The following TFCP2 variants were observed in gnomAD, a reference collection of about 807,000 sequenced individuals.
TFCP2 encodes transcription factor CP2.
In TFCP2, 33 loss-of-function variants were observed where a neutral mutation model predicts 73.4. The observed-to-expected ratio is 0.45, with a 90% CI of 0.34 to 0.60. The LOEUF is 0.60. Ranked by LOEUF, TFCP2 falls within the 20% of genes least tolerant of loss-of-function variation. TFCP2 has a pLI of 0.01. For missense variants in TFCP2, 352 were observed against 604.0 expected (o/e 0.58, Z 4.37); for synonymous variants, 193 against 211.6 (o/e 0.91, Z 0.76).
intron 13 of TFCP2, among the ~76,000 whole-genome samples, chr12:51,096,835 G>C (rs1442240100): frequency 6.6e-6 from 1 of 152,096 alleles, no homozygotes; most frequent in Non-Finnish European, 1.5e-5. Context: ...CTGAAATCCT[G>C]TGTCATTCTA....
chr12:51,105,243 G>A (rs984654613), intron 8 of TFCP2, among the ~76,000 whole-genome samples: 4 of 151,834 alleles, frequency 2.6e-5, no homozygotes, highest in South Asian at 2.1e-4. Flanking sequence ...ACAGGCGCCC[G>A]CCGCCACACC....
chr12:51,144,340 A>C (rs948679962), intron 1 of TFCP2, among the ~76,000 whole-genome samples: 2 of 152,142 alleles, frequency 1.3e-5, no homozygotes, highest in Admixed American at 6.6e-5. Context: ...AGCCATTCTA[A>C]AATTTCTATC....
In TFCP2 at chr12:51,131,492, G is replaced by GA. The variant is rs1036292639; in HGVS notation, c.123-12721dup. On this transcript the variant is annotated intron_variant, in intron 1 of 14. Coordinates refer to ENST00000257915, the MANE Select transcript of TFCP2 (RefSeq NM_005653.5). ...ATTCCTAAAAATGGTATTCTTGGTT[G>GA]AAGTTAAGATATAAAAGGTTTTCAG... Among the ~76,000 whole-genome samples, 53 of 152,192 alleles carry GA rather than the reference G, an allele frequency of 3.5e-4. 1 individual carries two copies. Among genetic ancestry groups the GA allele is most frequent in the Admixed American group, 2.7e-3 (42 of 15,282 alleles).
intron 10 of TFCP2, 86 bp from the exon 11 acceptor site, chr12:51,102,111 C>T (rs1940123873): frequency 3.3e-6 from 3 of 905,710 alleles, no homozygotes; most frequent in Admixed American, 4.0e-5. Flanking sequence ...ATAAGGACAC[C>T]TCATTACCAG....
At chr12:51,170,519 G>A (rs1442030182) in intron 1 of TFCP2, among the ~76,000 whole-genome samples, 1 of 151,628 alleles carries the variant, frequency 6.6e-6, no homozygotes, top group Non-Finnish European at 1.5e-5. Context: ...TTTATTTGTT[G>A]ATTTATTTGT....
chr12:51,150,483 T>C (rs924383640), intron 1 of TFCP2, among the ~76,000 whole-genome samples: 2 of 152,050 alleles, frequency 1.3e-5, no homozygotes, highest in African/African-American at 4.8e-5. Context: ...AATTTTAAAA[T>C]TTAAAAAGTA....
intron 1 of TFCP2, among the ~76,000 whole-genome samples, chr12:51,126,109 T>C (rs1353425074): frequency 2.0e-5 from 3 of 151,376 alleles, no homozygotes; most frequent in Non-Finnish European, 4.4e-5. Flanking sequence ...GTTGGGCGCC[T>C]GTAGTCCCAG....
intron 1 of TFCP2, among the ~76,000 whole-genome samples, chr12:51,138,612 C>A (rs1941116926): frequency 1.3e-5 from 2 of 152,058 alleles, no homozygotes; most frequent in Non-Finnish European, 2.9e-5. Flanking sequence ...TCTCCTCCTT[C>A]AGACCACATT....
intron 1 of TFCP2, among the ~76,000 whole-genome samples, chr12:51,151,067 A>C (rs151045079): frequency 1.3e-5 from 2 of 152,348 alleles, no homozygotes; most frequent in African/African-American, 4.8e-5. Context: ...TCTGATAAAA[A>C]GACATGTGAG....
chr12:51,120,237 A>C (rs1159112456), intron 1 of TFCP2, among the ~76,000 whole-genome samples: 1 of 151,952 alleles, frequency 6.6e-6, no homozygotes, highest in Non-Finnish European at 1.5e-5. Context: ...AAAACTGGAA[A>C]GAACCTAAAT....
chr12:51,107,463 G>A, intron 6 of TFCP2, 117 bp from the exon 7 acceptor site: 1 of 752,786 alleles, frequency 1.3e-6, no homozygotes, highest in African/African-American at 1.8e-5. Flanking sequence ...GTGATGTAAA[G>A]GCAAGACACA....
chr12:51,158,026 G>A (rs779952906), intron 1 of TFCP2, among the ~76,000 whole-genome samples: 4 of 151,500 alleles, frequency 2.6e-5, no homozygotes, highest in Non-Finnish European at 5.9e-5. Flanking sequence ...TTTAGAAACA[G>A]AGTCTTGTTC....
chr12:51,109,843 C>T (rs1940352348), intron 5 of TFCP2, among the ~76,000 whole-genome samples: 1 of 151,946 alleles, frequency 6.6e-6, no homozygotes, highest in Admixed American at 6.6e-5. Context: ...CTCAGCCTCC[C>T]AAATAGCTGG....
chr12:51,115,769 T>G (rs990509907), intron 4 of TFCP2, among the ~76,000 whole-genome samples: 1 of 152,208 alleles, frequency 6.6e-6, no homozygotes, highest in Admixed American at 6.5e-5. Context: ...TTGAAAACAT[T>G]ATGCTAAGTG....
chr12:51,171,243 T>A (rs918390252), intron 1 of TFCP2, among the ~76,000 whole-genome samples: 2 of 152,210 alleles, frequency 1.3e-5, no homozygotes, highest in Admixed American at 1.3e-4. Flanking sequence ...ACCCCTAAGA[T>A]GCAGCTGTTT....
rs752870730 is a variant in TFCP2 at position 51,095,290 on chromosome 12, A to AAG, written c.1472-14_1472-13dup. The AAG allele has an allele frequency of 5.0e-6, 8 of 1,613,226 alleles. No homozygotes were observed. The East Asian group carries it at 6.7e-5, about 13-fold the overall frequency. ...ATCATTGGTTTCTGCTGTTAAAAAA[A>AAG]AGAGAGAGAGAGAATCATCTTTAGT... On this transcript the variant is annotated splice_polypyrimidine_tract_variant and intron_variant, in intron 14 of 14. Transcript: ENST00000257915.
intron 1 of TFCP2, among the ~76,000 whole-genome samples, chr12:51,147,662 A>G (rs567459060): frequency 6.4e-4 from 97 of 152,326 alleles, no homozygotes; most frequent in African/African-American, 2.3e-3. Context: ...GCAAAGACTT[A>G]AATCTAAGAC....
rs1483742365 is a variant in TFCP2, at chr12:51,093,675, G to C, written c.*1566C>G. ...GAAGCATTTTGGTGTAATATAACAA[G>C]TTGCTCAGGTCAGTTTTAAACAAGT... On this transcript the variant is annotated 3_prime_UTR_variant, in exon 15 of 15. Coordinates refer to ENST00000257915, the MANE Select transcript of TFCP2 (RefSeq NM_005653.5). 6.6e-6 allele frequency: 1 copy of C among 152,058 alleles called. No individual in the cohort carries two copies. Among genetic ancestry groups the C allele is most frequent in the Non-Finnish European group, 1.5e-5 (1 of 68,016 alleles). 9.4% of individuals were successfully genotyped at this position (152,058 alleles called of 1,614,324 possible). A position where few individuals can be genotyped will look rare whatever the true frequency, so the allele number is the denominator to read the frequency against.
At chr12:51,124,072 C>A (rs1438622840) in intron 1 of TFCP2, among the ~76,000 whole-genome samples, 1 of 150,924 alleles carries the variant, frequency 6.6e-6, no homozygotes, top group East Asian at 2.0e-4. Flanking sequence ...CTGAAGTAAC[C>A]TGATGTTAAC....
Sources: gnomAD v4.1 joint callset for allele counts (sites outside exome capture counted in the v4.1 genomes callset) on GRCh38, gnomAD v4.1.1 for gene constraint, MANE v1.5 for transcripts, NCBI Gene and HGNC (gene_info 2026-07-23, HGNC 2026-07-21) for gene names.